Variants in TRABD2A observed in about 807,000 individuals in gnomAD.
TRABD2A encodes the protein metalloprotease TIKI1.
TRABD2A carries 43 observed loss-of-function variants against 45.6 expected under a neutral mutation model. That is an observed-to-expected ratio of 0.94 (90% CI 0.74 to 1.22). TRABD2A has a LOEUF of 1.22. Ranked by LOEUF, TRABD2A falls within the 50% of genes most tolerant of loss-of-function variation. The probability of loss-of-function intolerance (pLI) is 0.00; values close to 1 mark genes in which losing one functional copy is unlikely to be tolerated. For synonymous variants in TRABD2A, 269 were observed against 265.0 expected (o/e 1.02, Z -0.15); for missense variants, 642 against 652.4 (o/e 0.98, Z 0.17).
chr2:84,869,291 T>A (rs1682791892), intron 2 of TRABD2A, among the ~76,000 whole-genome samples: 1 of 152,220 alleles, frequency 6.6e-6, no homozygotes, highest in Non-Finnish European at 1.5e-5. Context: ...CTTTATTTCA[T>A]ATTGCAAGAC....
At chr2:84,825,004 C>G (rs1231487519) in intron 5 of TRABD2A, among the ~76,000 whole-genome samples, 2 of 152,142 alleles carry the variant, frequency 1.3e-5, no homozygotes, top group Non-Finnish European at 2.9e-5. Context: ...CTATAAGGAC[C>G]AAGTTTCTTC....
chr2:84,860,089 G>A (rs1292963534), intron 2 of TRABD2A, among the ~76,000 whole-genome samples: 2 of 152,084 alleles, frequency 1.3e-5, no homozygotes, highest in African/African-American at 4.8e-5. Context: ...CACCACACAC[G>A]CATCAAGGTG....
chr2:84,842,002 G>A lies in TRABD2A; in HGVS notation c.675C>T (p.Ile225=). The A allele has an allele frequency of 6.7e-7, 1 of 1,503,672 alleles. No individual in the cohort carries two copies. The highest frequency in any genetic ancestry group is 1.3e-5 in the South Asian group (1 of 77,088). 93.1% of individuals were successfully genotyped at this position (1,503,672 alleles called of 1,614,324 possible). Residue 225 remains isoleucine, a synonymous_variant, in exon 3 of 7, where the codon ATC becomes ATT. Transcript: ENST00000409520. ...PLNGLNFSQV[I]FALNQTLLQQ... ...GCAGGAGGGTCTGGTTCAAAGCAAA[G>A]ATGACCTAAAAGAAAGGTCTCTTTT... is the stretch of plus-strand genomic sequence containing the variant.
intron 5 of TRABD2A, among the ~76,000 whole-genome samples, chr2:84,828,987 A>G (rs1310053731): frequency 1.3e-5 from 2 of 152,174 alleles, no homozygotes; most frequent in Non-Finnish European, 2.9e-5. Flanking sequence ...ACAAAGACAG[A>G]GGCTAGGAAG....
intron 2 of TRABD2A, among the ~76,000 whole-genome samples, chr2:84,868,896 C>T (rs1031323541): frequency 3.3e-5 from 5 of 152,160 alleles, no homozygotes; most frequent in Non-Finnish European, 7.3e-5. Context: ...TAAATGCAGA[C>T]ATTGAAAAGG....
intron 2 of TRABD2A, among the ~76,000 whole-genome samples, chr2:84,848,755 G>C (rs1321281210): frequency 6.6e-6 from 1 of 151,786 alleles, no homozygotes; most frequent in Non-Finnish European, 1.5e-5. Context: ...TTGTAATTCT[G>C]TAGAGACGGA....
At chr2:84,831,676 G>A (rs534016265) in intron 5 of TRABD2A, among the ~76,000 whole-genome samples, 3 of 152,210 alleles carry the variant, frequency 2.0e-5, no homozygotes, top group East Asian at 1.9e-4. Flanking sequence ...GTCATGGCCC[G>A]ATTTTGCCTC....
chr2:84,872,461 C>A (rs563627841), intron 1 of TRABD2A, among the ~76,000 whole-genome samples: 211 of 151,918 alleles, frequency 1.4e-3, no homozygotes, highest in African/African-American at 5.0e-3. Flanking sequence ...GATTGCACCA[C>A]TGTGCTTCAG....
At chr2:84,880,597 A>G (rs1683169700) in intron 1 of TRABD2A, among the ~76,000 whole-genome samples, 1 of 152,232 alleles carries the variant, frequency 6.6e-6, no homozygotes, top group Admixed American at 6.5e-5. Context: ...AATGTGCCCA[A>G]GTTCCTGGTC....
chr2:84,870,203 T>C (rs1005045110), intron 2 of TRABD2A, 22 bp downstream of exon 2: 2 of 1,581,522 alleles, frequency 1.3e-6, no homozygotes, highest in African/African-American at 2.7e-5. Flanking sequence ...CCACTAAGTC[T>C]TTTATGCAAA....
At chr2:84,858,457 T>C (rs1682388329) in intron 2 of TRABD2A, among the ~76,000 whole-genome samples, 1 of 152,218 alleles carries the variant, frequency 6.6e-6, no homozygotes, top group Non-Finnish European at 1.5e-5. Flanking sequence ...TTCCAGTATG[T>C]TCATTAATCT....
At chr2:84,859,952 G>A (rs187437946) in intron 2 of TRABD2A, among the ~76,000 whole-genome samples, 3 of 152,114 alleles carry the variant, frequency 2.0e-5, no homozygotes, top group Admixed American at 6.5e-5. Context: ...GGAGAGATGG[G>A]GGGGGGTCTC....
intron 1 of TRABD2A, among the ~76,000 whole-genome samples, chr2:84,876,681 G>C (rs1683035151): frequency 6.6e-6 from 1 of 152,154 alleles, no homozygotes; most frequent in Non-Finnish European, 1.5e-5. Flanking sequence ...ACATGCAATA[G>C]ACTTTACCTC....
intron 3 of TRABD2A, among the ~76,000 whole-genome samples, chr2:84,839,842 C>T (rs1192229006): frequency 9.8e-5 from 15 of 152,306 alleles, no homozygotes; most frequent in African/African-American, 3.1e-4. Flanking sequence ...CTTTGCCCTC[C>T]TGGCAAATAT....
At chr2:84,868,601 A>G (rs1414869132) in intron 2 of TRABD2A, among the ~76,000 whole-genome samples, 1 of 151,790 alleles carries the variant, frequency 6.6e-6, no homozygotes, top group Non-Finnish European at 1.5e-5. Flanking sequence ...GCACACCAAT[A>G]TGGCGCATGT....
At chr2:84,875,998 T>TAAA (rs368533574) in intron 1 of TRABD2A, among the ~76,000 whole-genome samples, 1 of 127,132 alleles carries the variant, frequency 7.9e-6, no homozygotes, top group African/African-American at 3.0e-5. Flanking sequence ...ATCTCAAAAT[T>TAAA]AAAAAAAAAA....
intron 3 of TRABD2A, among the ~76,000 whole-genome samples, 178 bp downstream of exon 3, chr2:84,841,683 T>C (rs1681713250): frequency 6.6e-6 from 1 of 152,222 alleles, no homozygotes; most frequent in Admixed American, 6.5e-5. Context: ...TCTTACAAGG[T>C]TTGTAAAGCT....
At chr2:84,835,264 A>C (rs191949175) in intron 4 of TRABD2A, 1 of 152,338 alleles carries the variant, frequency 6.6e-6, no homozygotes, top group East Asian at 1.9e-4. Context: ...AGCCTCTGGG[A>C]CCTAGAGTTA....
chr2:84,846,059 C>T (rs1048555292), intron 2 of TRABD2A, among the ~76,000 whole-genome samples: 3 of 152,124 alleles, frequency 2.0e-5, no homozygotes, highest in African/African-American at 7.2e-5. Flanking sequence ...AATCAAAACC[C>T]TTGATCATCC....
Sources: allele counts gnomAD v4.1 joint callset (sites outside exome capture counted in the v4.1 genomes callset), GRCh38; gene constraint gnomAD v4.1.1; transcripts MANE v1.5; gene names NCBI Gene and HGNC (gene_info 2026-07-23, HGNC 2026-07-21).